FAM234A: variants seen among roughly 807,000 people sequenced by gnomAD.
The protein encoded by FAM234A is family with sequence similarity 234 member A.
FAM234A carries 42 observed loss-of-function variants against 49.1 expected under a neutral mutation model. The ratio of observed to expected loss-of-function variants is 0.86; its 90% CI spans 0.67 to 1.11. The LOEUF (loss-of-function observed/expected upper bound fraction) is 1.11. Ranked by LOEUF, FAM234A falls within the 50% of genes least tolerant of loss-of-function variation. The pLI is 0.00. For missense variants in FAM234A, 815 were observed against 745.2 expected (o/e 1.09, Z -1.09); for synonymous variants, 369 against 316.2 (o/e 1.17, Z -1.77).
intron 1 of FAM234A, among the ~76,000 whole-genome samples, chr16:238,788 A>AG: frequency 8.2e-6 from 1 of 122,662 alleles, no homozygotes; most frequent in African/African-American, 3.1e-5. Context: ...AAAAAAAAAG[A>AG]AAAAAAAAAT....
chr16:266,405 G>A (rs894209605), downstream of FAM234A, among the ~76,000 whole-genome samples: 9 of 152,208 alleles, frequency 5.9e-5, no homozygotes, highest in Non-Finnish European at 7.3e-5. Context: ...TCGGCACCGC[G>A]TGACGTCTGA....
At chr16:262,340 C>T (rs2051500079) in intron 7 of FAM234A, 84 bp from the exon 8 acceptor site, 1 of 1,562,292 alleles carries the variant, frequency 6.4e-7, no homozygotes, top group East Asian at 2.3e-5. Flanking sequence ...GCCCAGGGGC[C>T]TGGCTCCATG....
At chr16:253,103 T>C (rs1369643018) in intron 2 of FAM234A, among the ~76,000 whole-genome samples, 1 of 152,240 alleles carries the variant, frequency 6.6e-6, no homozygotes, top group Non-Finnish European at 1.5e-5. Context: ...CAGCTCAGGC[T>C]GGGTGGTGGT....
At chr16:249,905 T>C (rs1258404042) in intron 2 of FAM234A, among the ~76,000 whole-genome samples, 2 of 152,074 alleles carry the variant, frequency 1.3e-5, no homozygotes, top group South Asian at 2.1e-4. Context: ...TTTTTTTCTT[T>C]CCTTTGCCAA....
chr16:245,246 C>G (rs2050764938), intron 1 of FAM234A, among the ~76,000 whole-genome samples: 1 of 152,026 alleles, frequency 6.6e-6, no homozygotes, highest in Non-Finnish European at 1.5e-5. Flanking sequence ...ACTTTATAGG[C>G]TGAGGTGGGA....
intron 3 of FAM234A, among the ~76,000 whole-genome samples, chr16:256,826 G>A (rs571389598): frequency 1.3e-5 from 2 of 149,134 alleles, no homozygotes; most frequent in East Asian, 2.0e-4. Flanking sequence ...CACCGTAATC[G>A]CCACCTCCCA....
At chr16:266,877 G>A (rs556358214), downstream of FAM234A, among the ~76,000 whole-genome samples, 8 of 152,074 alleles carry the variant, frequency 5.3e-5, no homozygotes, top group Non-Finnish European at 1.5e-5. Context: ...TGCAAGAGCT[G>A]CCCCCTGACA....
chr16:251,526 C>T (rs1021145072), intron 2 of FAM234A, among the ~76,000 whole-genome samples: 14 of 151,824 alleles, frequency 9.2e-5, no homozygotes, highest in South Asian at 4.2e-4. Context: ...GGGCGAGCGC[C>T]GCCATACCCA....
chr16:254,489 G>A lies in FAM234A; in HGVS notation c.76G>A (p.Gly26Arg). The A allele has an allele frequency of 6.2e-7, 1 of 1,614,204 alleles. No individual in the cohort carries two copies. Among genetic ancestry groups the A allele is most frequent in the Middle Eastern group, 1.6e-4 (1 of 6,062 alleles). ...NEERKSQENL[G>R]NPSKNEDNVK... is the part of the protein sequence containing the mutation. ...AGAAAGAAAATCGCAGGAAAATCTG[G>A]GAAATCCATCAAAAAATGAGGATAA... Residue 26 changes from glycine (G) to arginine (R), a missense_variant, in exon 3 of 13, where the codon GGA becomes AGA. Physicochemically the swap from Gly to Arg is moderately radical, Grantham distance 125. Coordinates refer to ENST00000399932, the MANE Select transcript of FAM234A (RefSeq NM_032039.4).
chr16:262,561 C>T lies in FAM234A; in HGVS notation c.971+8C>T, dbSNP rs764554483. Reference sequence around the variant, plus strand: ...CAGGATGCTTTCCCACAGGTGGGTCCGGGCCGCAGCCTTTCTCCATGCAGA... The same window carrying T: ...CAGGATGCTTTCCCACAGGTGGGTCTGGGCCGCAGCCTTTCTCCATGCAGA... On this transcript the variant is annotated splice_region_variant and intron_variant, in intron 8 of 12. Coordinates refer to ENST00000399932, the MANE Select transcript of FAM234A (RefSeq NM_032039.4). The T allele has an allele frequency of 1.3e-5, 21 of 1,577,666 alleles. 1 individual carries two copies. The highest frequency in any genetic ancestry group is 1.3e-4 in the Admixed American group (7 of 54,296).
rs1253190803 is a variant in FAM234A at position 254,601 on chromosome 16, T to C, written c.188T>C (p.Val63Ala). The C allele has an allele frequency of 1.9e-6, 3 of 1,612,620 alleles. No individual in the cohort carries two copies. The Admixed American group carries it at 5.0e-5, about 27-fold the overall frequency. ...FLSLFLCLFV[V>A]FVVSFVIPCP... is the part of the protein sequence containing the mutation. ...TCATTGTTTCTCTGCCTTTTTGTGG[T>C]GTTCGTCGTCTCATTCGTCATCCCG... is the stretch of plus-strand genomic sequence containing the variant. Residue 63 changes from valine to alanine, a missense_variant, in exon 3 of 13, where the codon GTG (valine) becomes GCG (alanine). Coordinates refer to ENST00000399932, the MANE Select transcript of FAM234A (RefSeq NM_032039.4).
chr16:237,427 C>T (rs997159338), intron 1 of FAM234A, among the ~76,000 whole-genome samples: 1 of 152,022 alleles, frequency 6.6e-6, no homozygotes, highest in Non-Finnish European at 1.5e-5. Flanking sequence ...TGTCTAAAAG[C>T]TGGATGGAGT....
intron 1 of FAM234A, among the ~76,000 whole-genome samples, chr16:239,042 G>A (rs1269614816): frequency 9.7e-5 from 13 of 133,556 alleles, no homozygotes; most frequent in Admixed American, 3.8e-4. Context: ...AGATCGCTCC[G>A]CTACACTCCA....
At chr16:259,912 G>A (rs987688889) in intron 4 of FAM234A, 57 bp from the exon 5 acceptor site, 72 of 1,510,326 alleles carry the variant, frequency 4.8e-5, no homozygotes, top group Non-Finnish European at 5.9e-5. Flanking sequence ...TGCTGGGGCT[G>A]GCCGGCCTGC....
intron 4 of FAM234A, 94 bp downstream of exon 4, chr16:259,693 C>A: frequency 3.6e-6 from 3 of 829,914 alleles, no homozygotes; most frequent in Non-Finnish European, 6.0e-6. Flanking sequence ...TTGGGGGAAG[C>A]AGATGGTGGT....
downstream of FAM234A, chr16:269,883 T>C (rs60666163): frequency 4.2e-3 from 1,497 of 354,092 alleles, 23 homozygotes; most frequent in African/African-American, 0.029. Context: ...AATGGCTCCG[T>C]GTGCCCCACA....
intron 1 of FAM234A, among the ~76,000 whole-genome samples, chr16:247,399 G>A (rs2050850171): frequency 6.6e-6 from 1 of 151,676 alleles, no homozygotes; most frequent in East Asian, 1.9e-4. Context: ...AAAGTGCTGG[G>A]ATTATAGACA....
At chr16:257,122 G>A (rs368703630) in intron 3 of FAM234A, among the ~76,000 whole-genome samples, 4 of 150,824 alleles carry the variant, frequency 2.7e-5, no homozygotes, top group South Asian at 4.2e-4. Flanking sequence ...CAAGTGATCC[G>A]CCTGCCTTGG....
chr16:269,723 G>A (rs982301114), downstream of FAM234A: 18 of 677,094 alleles, frequency 2.7e-5, no homozygotes, highest in Non-Finnish European at 3.8e-5. Context: ...GGAGGCAGCC[G>A]CCTCGGACCT....
Sources: gnomAD v4.1 joint callset for allele counts (sites outside exome capture counted in the v4.1 genomes callset) on GRCh38, gnomAD v4.1.1 for gene constraint, MANE v1.5 for transcripts, NCBI Gene and HGNC (gene_info 2026-07-23, HGNC 2026-07-21) for gene names.